ZNF704: variants seen among roughly 807,000 people sequenced by gnomAD.
ZNF704 encodes zinc finger protein 704.
In ZNF704, 10 loss-of-function variants were observed where a neutral mutation model predicts 44.7. The ratio of observed to expected loss-of-function variants is 0.22; its 90% CI spans 0.14 to 0.38. ZNF704 has a LOEUF of 0.38. Among genes scored for constraint, ZNF704 ranks in the 10% least tolerant of loss-of-function variants. The pLI is 1.00. For synonymous variants in ZNF704, 211 were observed against 207.6 expected (o/e 1.02, Z -0.14); for missense variants, 390 against 545.5 (o/e 0.71, Z 2.84).
intron 7 of ZNF704, chr8:80,645,291 C>T: frequency 1.0e-6 from 1 of 999,718 alleles, no homozygotes; most frequent in Non-Finnish European, 1.5e-6. Flanking sequence ...AATTTAAAAA[C>T]CTAGGAGCCA....
chr8:80,747,419 T>C (rs1224820604), intron 2 of ZNF704, among the ~76,000 whole-genome samples: 2 of 152,214 alleles, frequency 1.3e-5, no homozygotes, highest in African/African-American at 4.8e-5. Context: ...TGGAAGACTT[T>C]TGATTTGCAT....
At chr8:80,815,254 T>A (rs996608232) in intron 2 of ZNF704, among the ~76,000 whole-genome samples, 4 of 152,220 alleles carry the variant, frequency 2.6e-5, no homozygotes, top group African/African-American at 9.6e-5. Context: ...ATCTGTACTA[T>A]TCTAATAAAC....
At chr8:80,820,961 C>G (rs1214998025) in intron 2 of ZNF704, among the ~76,000 whole-genome samples, 1 of 151,606 alleles carries the variant, frequency 6.6e-6, no homozygotes, top group African/African-American at 2.4e-5. Context: ...CACAGAAAAA[C>G]AGATCAGGGG....
chr8:80,760,249 G>T (rs1365417893), intron 2 of ZNF704, among the ~76,000 whole-genome samples: 1 of 152,188 alleles, frequency 6.6e-6, no homozygotes, highest in African/African-American at 2.4e-5. Flanking sequence ...GAATGTACAG[G>T]TGTCTCCAAA....
rs1241509064 is a variant in ZNF704 at position 80,636,587 on chromosome 8, A to T, written c.*4779T>A. 6.6e-6 allele frequency: 1 copy of T among 152,228 alleles called. No homozygotes were observed. The highest frequency in any genetic ancestry group is 2.4e-5 in the African/African-American group (1 of 41,456). The allele number at this position is 152,228 out of a possible 1,614,324, so 9.4% of individuals were successfully genotyped here. The stretch of plus-strand genomic sequence containing the variant: ...CATGAAACAGTTCCAATATGGAGGA[A>T]TCCCCACAGGTATGAGGAACAGGAA... On this transcript the variant is annotated 3_prime_UTR_variant, in exon 9 of 9. Transcript: ENST00000327835.
intron 2 of ZNF704, among the ~76,000 whole-genome samples, chr8:80,703,812 A>T (rs1818851174): frequency 6.6e-6 from 1 of 152,156 alleles, no homozygotes; most frequent in Non-Finnish European, 1.5e-5. Context: ...GTGGACAAAT[A>T]AGCATTAAGT....
At position 80,664,969 on chromosome 8, in the gene ZNF704, G is replaced by A. The variant is rs751940000; in HGVS notation, c.773C>T (p.Pro258Leu). 7.4e-6 allele frequency: 12 copies of A among 1,614,104 alleles called. No homozygotes were observed. The highest frequency in any genetic ancestry group is 9.3e-6 in the Non-Finnish European group (11 of 1,180,046). Reference sequence around the variant, plus strand: ...AGGAGGTGAAGCCAGGGACTGGGAAGGTGAGACCGGGGCCAGGCTGCTCAG... The same window carrying A: ...AGGAGGTGAAGCCAGGGACTGGGAAAGTGAGACCGGGGCCAGGCTGCTCAG... The part of the protein sequence containing the change: ...DGLSSLAPVS[P>L]SQSLASPPTF... The change falls in exon 6 of 9, where the codon CCT becomes CTT. Residue 258 changes from proline to leucine, a missense_variant. Transcript: ENST00000327835.
At chr8:80,805,157 G>A (rs1351486230) in intron 2 of ZNF704, among the ~76,000 whole-genome samples, 1 of 152,138 alleles carries the variant, frequency 6.6e-6, no homozygotes, top group Non-Finnish European at 1.5e-5. Flanking sequence ...TTAGTTGACT[G>A]TTGTGCAAGT....
chr8:80,652,749 G>A (rs1055714736), intron 7 of ZNF704, among the ~76,000 whole-genome samples: 1 of 152,146 alleles, frequency 6.6e-6, no homozygotes, highest in Non-Finnish European at 1.5e-5. Flanking sequence ...ACAAGGAGGA[G>A]CTGGTACCAT....
At chr8:80,843,194 T>C (rs1338803707) in intron 1 of ZNF704, among the ~76,000 whole-genome samples, 1 of 152,246 alleles carries the variant, frequency 6.6e-6, no homozygotes, top group East Asian at 1.9e-4. Flanking sequence ...TCATTTAATT[T>C]AGTACTTTGA....
chr8:80,836,244 C>T (rs568500426), intron 1 of ZNF704, among the ~76,000 whole-genome samples: 26 of 152,200 alleles, frequency 1.7e-4, no homozygotes, highest in Admixed American at 5.2e-4. Context: ...CTCACAGCTA[C>T]CCCCAGCCTT....
Position 80,664,980 on chromosome 8 carries a change from G to C in ZNF704, c.762C>G (p.Ala254=). The part of the protein sequence containing the change: ...DSVADGLSSL[A]PVSPSQSLAS... ...CCAGGGACTGGGAAGGTGAGACCGG[G>C]GCCAGGCTGCTCAGCCCGTCTGCCA... The change falls in exon 6 of 9, where the codon GCC becomes GCG. Residue 254 remains alanine, a synonymous_variant. Coordinates refer to ENST00000327835, the MANE Select transcript of ZNF704 (RefSeq NM_001033723.3). The C allele has an allele frequency of 6.2e-7, 1 of 1,614,186 alleles. No individual in the cohort carries two copies. Among genetic ancestry groups the C allele is most frequent in the Non-Finnish European group, 8.5e-7 (1 of 1,180,028 alleles).
intron 2 of ZNF704, among the ~76,000 whole-genome samples, chr8:80,706,917 C>T (rs1043032523): frequency 3.3e-5 from 5 of 152,306 alleles, no homozygotes; most frequent in East Asian, 1.9e-4. Flanking sequence ...TGACAGACTA[C>T]TGAATCAATC....
intron 2 of ZNF704, among the ~76,000 whole-genome samples, chr8:80,766,795 C>A (rs1300440563): frequency 6.6e-6 from 1 of 152,114 alleles, no homozygotes; most frequent in Non-Finnish European, 1.5e-5. Flanking sequence ...TCATTGCAAC[C>A]TTTGCCTCCT....
chr8:80,678,188 T>A (rs1304680400), intron 4 of ZNF704, among the ~76,000 whole-genome samples: 1 of 152,220 alleles, frequency 6.6e-6, no homozygotes, highest in Non-Finnish European at 1.5e-5. Context: ...CAATGTTGCA[T>A]CCTAGAGATA....
chr8:80,687,030 C>A (rs1350348181), intron 4 of ZNF704, among the ~76,000 whole-genome samples, 196 bp downstream of exon 4: 1 of 152,122 alleles, frequency 6.6e-6, no homozygotes, highest in African/African-American at 2.4e-5. Context: ...AGGAAACTTA[C>A]CAGTATTTGT....
chr8:80,740,704 C>T (rs1238419134), intron 2 of ZNF704, among the ~76,000 whole-genome samples: 2 of 152,158 alleles, frequency 1.3e-5, no homozygotes, highest in Non-Finnish European at 2.9e-5. Context: ...TTTCTGCATC[C>T]CTGTACATCC....
chr8:80,871,256 T>C (rs77328876), intron 1 of ZNF704, among the ~76,000 whole-genome samples: 9,137 of 152,240 alleles, frequency 0.06, 312 homozygotes, highest in Middle Eastern at 0.14. Context: ...GATTTCACTA[T>C]CCTTTTAAAG....
At chr8:80,733,071 G>A (rs1806609413) in intron 2 of ZNF704, among the ~76,000 whole-genome samples, 1 of 151,928 alleles carries the variant, frequency 6.6e-6, no homozygotes, top group Admixed American at 6.6e-5. Flanking sequence ...ACTGAGGCTT[G>A]GGGTGATTTG....
Sources: gnomAD v4.1 joint callset for allele counts (sites outside exome capture counted in the v4.1 genomes callset) on GRCh38, gnomAD v4.1.1 for gene constraint, MANE v1.5 for transcripts, NCBI Gene and HGNC (gene_info 2026-07-23, HGNC 2026-07-21) for gene names.